The following NAT1 variants were observed in gnomAD, a reference collection of about 807,000 sequenced individuals.
NAT1 encodes arylamine N-acetyltransferase 1.
For missense variants in NAT1, 400 were observed against 339.2 expected (o/e 1.18, Z -1.41); for synonymous variants, 144 against 122.6 (o/e 1.17, Z -1.16).
At chr8:18,172,180 T>A (rs1182836719) in intron 2 of NAT1, among the ~76,000 whole-genome samples, 5 of 152,178 alleles carry the variant, frequency 3.3e-5, no homozygotes, top group Non-Finnish European at 7.4e-5. Flanking sequence ...AATCGGGAGT[T>A]AATGCTTTGT....
chr8:18,213,214 G>A (rs775476763), intron 1 of NAT1, among the ~76,000 whole-genome samples: 7 of 151,804 alleles, frequency 4.6e-5, no homozygotes, highest in Non-Finnish European at 7.4e-5. Context: ...ACCAAGACCC[G>A]ATAGGTCTAA....
At chr8:18,171,605 T>A (rs1389295810) in intron 2 of NAT1, among the ~76,000 whole-genome samples, 1 of 152,094 alleles carries the variant, frequency 6.6e-6, no homozygotes, top group African/African-American at 2.4e-5. Flanking sequence ...TCCTAATAGC[T>A]AAGGTATTTC....
At chr8:18,171,910 T>C (rs925611578) in intron 2 of NAT1, among the ~76,000 whole-genome samples, 2 of 152,180 alleles carry the variant, frequency 1.3e-5, no homozygotes, top group Non-Finnish European at 2.9e-5. Flanking sequence ...TCTGAGGTAG[T>C]TTAGGGAAAA....
At chr8:18,203,422 G>C (rs937538609) in intron 2 of NAT1, among the ~76,000 whole-genome samples, 1 of 152,134 alleles carries the variant, frequency 6.6e-6, no homozygotes. Flanking sequence ...AGATCTACTG[G>C]TAAGATAAGT....
intron 2 of NAT1, among the ~76,000 whole-genome samples, chr8:18,184,737 T>TG (rs1802663950): frequency 6.6e-6 from 1 of 152,142 alleles, no homozygotes; most frequent in South Asian, 2.1e-4. Context: ...AGTCTATGAA[T>TG]GGATTAATGC....
intron 2 of NAT1, among the ~76,000 whole-genome samples, chr8:18,181,526 CTTCT>C (rs1802517494): frequency 6.6e-6 from 1 of 152,146 alleles, no homozygotes; most frequent in South Asian, 2.1e-4. Context: ...GATAATCTGA[CTTCT>C]TTCTTTCCAG....
chr8:18,198,974 G>GA (rs113259284), intron 2 of NAT1, among the ~76,000 whole-genome samples: 142 of 150,746 alleles, frequency 9.4e-4, no homozygotes, highest in Middle Eastern at 3.4e-3. Context: ...CTTTTTTTTG[G>GA]AAAAAAAAGG....
chr8:18,206,742 A>T (rs1042519763), upstream of NAT1, among the ~76,000 whole-genome samples: 1 of 151,686 alleles, frequency 6.6e-6, no homozygotes, highest in East Asian at 1.9e-4. Context: ...GATTGCAAAA[A>T]TTTTCTCCCA....
chr8:18,207,591 G>A (rs1563179925), upstream of NAT1, among the ~76,000 whole-genome samples: 1 of 152,128 alleles, frequency 6.6e-6, no homozygotes, highest in Non-Finnish European at 1.5e-5. Flanking sequence ...AGTCAGAATG[G>A]CGGTTATTAA....
At chr8:18,192,998 AAAAAT>A (rs574731941) in intron 2 of NAT1, among the ~76,000 whole-genome samples, 2,891 of 151,820 alleles carry the variant, frequency 0.019, 43 homozygotes, top group Middle Eastern at 0.027. Flanking sequence ...AATAATAATA[AAAAAT>A]AAAATAAAAT....
At chr8:18,186,508 T>C (rs1325520654) in intron 2 of NAT1, among the ~76,000 whole-genome samples, 1 of 152,122 alleles carries the variant, frequency 6.6e-6, no homozygotes, top group African/African-American at 2.4e-5. Context: ...AAGTAGCATA[T>C]AGTTGTTTTT....
chr8:18,200,069 G>A (rs1046780887), intron 2 of NAT1, among the ~76,000 whole-genome samples: 2 of 152,140 alleles, frequency 1.3e-5, no homozygotes, highest in African/African-American at 4.8e-5. Flanking sequence ...GTGGAGAAAA[G>A]GTAGCACTGA....
At chr8:18,193,510 T>TA (rs1803104313) in intron 2 of NAT1, among the ~76,000 whole-genome samples, 3 of 145,568 alleles carry the variant, frequency 2.1e-5, no homozygotes, top group African/African-American at 7.6e-5. Flanking sequence ...ATATATAATA[T>TA]ATATATATAT....
At chr8:18,186,015 C>T (rs984921651) in intron 2 of NAT1, among the ~76,000 whole-genome samples, 12 of 152,112 alleles carry the variant, frequency 7.9e-5, no homozygotes, top group South Asian at 2.1e-4. Flanking sequence ...GCACACAGTA[C>T]GTATGATTTC....
At chr8:18,176,710 G>C (rs145342855) in intron 2 of NAT1, among the ~76,000 whole-genome samples, 1 of 151,614 alleles carries the variant, frequency 6.6e-6, no homozygotes, top group East Asian at 1.9e-4. Flanking sequence ...GGTCTTTGTG[G>C]TTCCATATGC....
intron 1 of NAT1, among the ~76,000 whole-genome samples, chr8:18,218,773 T>C (rs28359515): frequency 0.019 from 2,900 of 152,202 alleles, 48 homozygotes; most frequent in Middle Eastern, 0.085. Context: ...ACCCACTTAC[T>C]AGCTTGACTT....
intron 2 of NAT1, among the ~76,000 whole-genome samples, chr8:18,188,918 C>T (rs1802856155): frequency 7.1e-6 from 1 of 139,904 alleles, no homozygotes; most frequent in African/African-American, 2.6e-5. Flanking sequence ...TCACTTGAAC[C>T]CGAGAGGTGG....
rs940063550 is a variant in NAT1, at chr8:18,223,623, C to T, written c.*703C>T. ...TGTTATATGGATCAAGTAATAACGT[C>T]AGTAATGTTTTTGGTACAAAGTCAT... On this transcript the variant is annotated 3_prime_UTR_variant, in exon 3 of 3. Coordinates refer to ENST00000307719, the MANE Select transcript of NAT1 (RefSeq NM_000662.8). 6.0e-6 allele frequency: 1 copy of T among 166,742 alleles called. No homozygotes were observed. Among genetic ancestry groups the T allele is most frequent in the Admixed American group, 6.6e-5 (1 of 15,262 alleles). 10.3% of individuals were successfully genotyped at this position (166,742 alleles called of 1,614,324 possible).
Position 18,222,979 on chromosome 8 carries a change from G to T in NAT1, c.*59G>T. On this transcript the variant is annotated 3_prime_UTR_variant, in exon 3 of 3. Coordinates refer to ENST00000307719, the MANE Select transcript of NAT1 (RefSeq NM_000662.8). ...TCCAGCTCACCAGTTATCAACTGAC[G>T]ACCTATCATGTATCTTCTGTACCCT... 1 of 1,414,062 alleles carries T rather than the reference G, an allele frequency of 7.1e-7. No homozygotes were observed. The highest frequency in any genetic ancestry group is 9.5e-7 in the Non-Finnish European group (1 of 1,057,752). The allele number at this position is 1,414,062 out of a possible 1,614,324, so 87.6% of individuals were successfully genotyped here.
Sources: allele counts gnomAD v4.1 joint callset (sites outside exome capture counted in the v4.1 genomes callset), GRCh38; gene constraint gnomAD v4.1.1; transcripts MANE v1.5; gene names NCBI Gene and HGNC (gene_info 2026-07-23, HGNC 2026-07-21).